The following VAT1L variants were observed in gnomAD, a reference collection of about 807,000 sequenced individuals.
The protein encoded by VAT1L is putative NADPH-dependent quinone oxidoreductase VAT1L.
VAT1L carries 34 observed loss-of-function variants against 44.1 expected under a neutral mutation model. That is an observed-to-expected ratio of 0.77 (90% confidence interval 0.59 to 1.03). The LOEUF (loss-of-function observed/expected upper bound fraction) is 1.03, where lower values mean the gene tolerates loss of function less well. Ranked by LOEUF, VAT1L falls within the 50% of genes least tolerant of loss-of-function variation. The pLI, the probability that VAT1L is intolerant of heterozygous loss-of-function variation, is 0.00. For missense variants in VAT1L, 615 were observed against 538.8 expected (o/e 1.14, Z -1.40); for synonymous variants, 253 against 202.2 (o/e 1.25, Z -2.13).
intron 7 of VAT1L, among the ~76,000 whole-genome samples, chr16:77,954,374 C>G (rs553996953): frequency 6.6e-6 from 1 of 152,256 alleles, no homozygotes; most frequent in Non-Finnish European, 1.5e-5. Flanking sequence ...CGCCTGTAAT[C>G]CCAGCACTTT....
At position 77,879,775 on chromosome 16, in the gene VAT1L, G is replaced by C. The variant is rs1170590889; in HGVS notation, c.882+551G>C. Reference sequence around the variant, plus strand: ...TCAAGAAAGCTACAGCTTTATTTCAGTCAAAATTGCTTAAGTGTTGGTGTC... The same window carrying C: ...TCAAGAAAGCTACAGCTTTATTTCACTCAAAATTGCTTAAGTGTTGGTGTC... On this transcript the variant is annotated intron_variant, in intron 6 of 8. Transcript: ENST00000302536. This position sits in a 1 kb window ranked among gnomAD's most constrained non-coding sequence, Gnocchi z 4.1. Among the ~76,000 whole-genome samples, 1 of 152,190 alleles carries C rather than the reference G, an allele frequency of 6.6e-6. No individual in the cohort carries two copies.
At chr16:77,913,389 G>A (rs2017518615) in intron 7 of VAT1L, among the ~76,000 whole-genome samples, 1 of 151,804 alleles carries the variant, frequency 6.6e-6, no homozygotes, top group Admixed American at 6.6e-5. Flanking sequence ...TTTAAATTTA[G>A]TCCAAGCAAA....
intron 4 of VAT1L, among the ~76,000 whole-genome samples, chr16:77,871,361 C>A (rs894533908): frequency 6.6e-6 from 1 of 152,042 alleles, no homozygotes; most frequent in African/African-American, 2.4e-5. Flanking sequence ...GAGGCATGGA[C>A]GGGGGCAGGT....
At chr16:77,952,459 C>G (rs900016746) in intron 7 of VAT1L, among the ~76,000 whole-genome samples, 1 of 152,086 alleles carries the variant, frequency 6.6e-6, no homozygotes, top group Non-Finnish European at 1.5e-5. Context: ...TGTGACCCCC[C>G]ACCACCACCC....
At position 77,959,072 on chromosome 16, in the gene VAT1L, C is replaced by G. The variant is rs150726886; in HGVS notation, c.1078-12778C>G. Among the ~76,000 whole-genome samples, 654 of 152,316 alleles carry G rather than the reference C, an allele frequency of 4.3e-3. 8 individuals carry two copies. The highest frequency in any genetic ancestry group is 0.015 in the African/African-American group (630 of 41,576). The stretch of plus-strand genomic sequence containing the variant: ...CTCACTTTCAGGTGCTGATCCTGCA[C>G]TTGTGTGACTCAGAGAATGGCCACC... On this transcript the variant is annotated intron_variant, in intron 7 of 8. Coordinates refer to ENST00000302536, the MANE Select transcript of VAT1L (RefSeq NM_020927.3).
At chr16:77,847,720 A>T (rs1244165357) in intron 3 of VAT1L, among the ~76,000 whole-genome samples, 1 of 152,256 alleles carries the variant, frequency 6.6e-6, no homozygotes, top group Non-Finnish European at 1.5e-5. Context: ...GTCGAGTGGC[A>T]AAACCAAGTG....
chr16:77,913,960 A>C (rs915408222), intron 7 of VAT1L, among the ~76,000 whole-genome samples: 1 of 152,186 alleles, frequency 6.6e-6, no homozygotes, highest in African/African-American at 2.4e-5. Context: ...TTGACTGATA[A>C]AATGCCTGAA....
intron 4 of VAT1L, among the ~76,000 whole-genome samples, chr16:77,867,728 G>A (rs1025738661): frequency 6.6e-6 from 1 of 151,992 alleles, no homozygotes; most frequent in Non-Finnish European, 1.5e-5. Flanking sequence ...GTGAGGTGGT[G>A]CACACCTGTA....
chr16:77,789,179 G>C (rs72790959), intron 1 of VAT1L, among the ~76,000 whole-genome samples: 1 of 152,186 alleles, frequency 6.6e-6, no homozygotes, highest in Non-Finnish European at 1.5e-5. Context: ...GGCACCCCGG[G>C]TCTGGAAGAT....
At chr16:77,896,285 G>T (rs2017323787) in intron 7 of VAT1L, among the ~76,000 whole-genome samples, 1 of 152,032 alleles carries the variant, frequency 6.6e-6, no homozygotes, top group Non-Finnish European at 1.5e-5. Context: ...CCCTGGTGTC[G>T]ACTCTTCCGT....
At position 77,884,551 on chromosome 16, in the gene VAT1L, A is replaced by T; in HGVS notation, c.883-57A>T. On this transcript the variant is annotated intron_variant, in intron 6 of 8. Coordinates refer to ENST00000302536, the MANE Select transcript of VAT1L (RefSeq NM_020927.3). The surrounding 1 kb of genome is among the most constrained non-coding windows in gnomAD (Gnocchi z 4.5). ...GCTGATGACATCAGCAATGCTGCCA[A>T]TGTAGGCTTAACCCCGGTATTGAGT... is the stretch of plus-strand genomic sequence containing the variant. 6.4e-7 allele frequency: 1 copy of T among 1,553,812 alleles called. No homozygotes were observed. The highest frequency in any genetic ancestry group is 1.4e-5 in the African/African-American group (1 of 73,192).
chr16:77,872,300 A>C (rs2017041047), intron 4 of VAT1L, among the ~76,000 whole-genome samples: 1 of 152,136 alleles, frequency 6.6e-6, no homozygotes, highest in Non-Finnish European at 1.5e-5. Flanking sequence ...GTCCTTCTAC[A>C]AGGAGTCAGT....
chr16:77,903,959 A>T (rs972773651), intron 7 of VAT1L, among the ~76,000 whole-genome samples: 8 of 151,690 alleles, frequency 5.3e-5, no homozygotes, highest in Admixed American at 4.6e-4. Flanking sequence ...GATGGTCTCG[A>T]TCTCATGACC....
intron 7 of VAT1L, among the ~76,000 whole-genome samples, chr16:77,946,424 T>C (rs1273648521): frequency 6.6e-6 from 1 of 151,396 alleles, no homozygotes; most frequent in Non-Finnish European, 1.5e-5. Context: ...GCTGGGACTA[T>C]AGGCACCCGC....
chr16:77,825,127 A>G, intron 2 of VAT1L, 119 bp from the exon 3 acceptor site: 4 of 1,073,846 alleles, frequency 3.7e-6, no homozygotes, highest in East Asian at 4.8e-5. Flanking sequence ...TCAGCCTCCC[A>G]AAGTGCTGGG....
intron 2 of VAT1L, among the ~76,000 whole-genome samples, chr16:77,823,770 G>C (rs1003843665): frequency 1.3e-5 from 2 of 152,192 alleles, no homozygotes; most frequent in Non-Finnish European, 2.9e-5. Context: ...TGTAATCCCA[G>C]CATTTTGGGA....
intron 7 of VAT1L, among the ~76,000 whole-genome samples, chr16:77,920,450 A>C (rs572921481): frequency 1.3e-5 from 2 of 152,332 alleles, no homozygotes; most frequent in African/African-American, 4.8e-5. Context: ...TTTAGTAGGA[A>C]CAAAACAACT....
Position 77,825,461 on chromosome 16 carries a change from G to A in VAT1L, c.579G>A (p.Val193=), listed in dbSNP as rs140225939. 4.6e-5 allele frequency: 72 copies of A among 1,575,888 alleles called. No homozygotes were observed. The highest frequency in any genetic ancestry group is 5.7e-5 in the Non-Finnish European group (66 of 1,159,548). Residue 193 remains valine (V), a splice_region_variant and synonymous_variant, in exon 3 of 9, where the codon GTG becomes GTA. Transcript: ENST00000302536. Reference sequence around the variant, plus strand: ...TCGTGCACTCAGCTGGTGGGGGCGTGGTAAGTCAGCTGTTTGTAACTTCTC... The same window carrying A: ...TCGTGCACTCAGCTGGTGGGGGCGTAGTAAGTCAGCTGTTTGTAACTTCTC... ...SVLVHSAGGG[V]GQAVAQLCST... is the part of the protein sequence containing the mutation.
intron 3 of VAT1L, among the ~76,000 whole-genome samples, chr16:77,855,701 G>A (rs1360644382): frequency 6.6e-6 from 1 of 152,086 alleles, no homozygotes; most frequent in African/African-American, 2.4e-5. Context: ...TATATTTCTG[G>A]CACCTCTGAT....
Sources: allele counts gnomAD v4.1 joint callset (sites outside exome capture counted in the v4.1 genomes callset), GRCh38; gene constraint gnomAD v4.1.1; non-coding constraint Gnocchi (gnomAD v3.1); transcripts MANE v1.5; gene names NCBI Gene and HGNC (gene_info 2026-07-23, HGNC 2026-07-21).